The following FHIP1A variants were observed in gnomAD, a reference collection of about 807,000 sequenced individuals.
FHIP1A encodes FHF complex subunit HOOK interacting protein 1A, also known as FHF complex subunit HOOK-interacting protein 1A.
In FHIP1A, 61 loss-of-function variants were observed where a neutral mutation model predicts 88.6. The ratio of observed to expected loss-of-function variants is 0.69; its 90% confidence interval spans 0.56 to 0.85. The LOEUF is 0.85. Among genes scored for constraint, FHIP1A ranks in the 40% least tolerant of loss-of-function variants. The pLI is 0.00. For missense variants in FHIP1A, 1,154 were observed against 1,273.5 expected, an observed-to-expected ratio of 0.91 and a Z score of 1.43; for synonymous variants, 478 against 496.0, an observed-to-expected ratio of 0.96 and a Z score of 0.48.
At chr4:151,433,627 G>A (rs548418482) in intron 1 of FHIP1A, among the ~76,000 whole-genome samples, 4 of 152,148 alleles carry the variant, frequency 2.6e-5, no homozygotes, top group Non-Finnish European at 5.9e-5. Flanking sequence ...AAGGGCATGG[G>A]AGTGGAGGCT....
At chr4:151,628,661 A>G (rs1736042092) in intron 7 of FHIP1A, among the ~76,000 whole-genome samples, 1 of 152,240 alleles carries the variant, frequency 6.6e-6, no homozygotes, top group Non-Finnish European at 1.5e-5. Flanking sequence ...TGTTTTGTTT[A>G]AAATCGAGTG....
chr4:151,513,062 G>C (rs563685483), intron 3 of FHIP1A, among the ~76,000 whole-genome samples: 3 of 152,290 alleles, frequency 2.0e-5, no homozygotes, highest in African/African-American at 7.2e-5. Context: ...GAAAGGTCAG[G>C]TTACCCTCAA....
rs1736130596 is a variant in FHIP1A at position 151,630,797 on chromosome 4, T to A, written c.1146+928T>A. On this transcript the variant is annotated intron_variant, in intron 8 of 13. Coordinates refer to ENST00000435205, the MANE Select transcript of FHIP1A (RefSeq NM_001109977.3). ...CTCAGTGAATTTAAGAGGATTGAAA[T>A]CATGCAAAGCATGTTCTCTGATCAT... Among the ~76,000 whole-genome samples, 4 of 152,298 alleles carry A rather than the reference T, an allele frequency of 2.6e-5. No homozygotes were observed. The South Asian group carries it at 8.3e-4, about 32-fold the overall frequency.
intron 1 of FHIP1A, among the ~76,000 whole-genome samples, chr4:151,411,314 C>T (rs1732630280): frequency 7.0e-6 from 1 of 142,884 alleles, no homozygotes. Context: ...TGAGAAAAAA[C>T]AAGAATTGCC....
intron 7 of FHIP1A, among the ~76,000 whole-genome samples, chr4:151,616,547 C>T (rs1735537594): frequency 6.9e-6 from 1 of 145,972 alleles, no homozygotes; most frequent in Non-Finnish European, 1.5e-5. Context: ...CTCCCGGGTT[C>T]ACGCCATTCT....
At chr4:151,661,492 A>G (rs1737456372) in intron 13 of FHIP1A, among the ~76,000 whole-genome samples, 1 of 149,892 alleles carries the variant, frequency 6.7e-6, no homozygotes, top group African/African-American at 2.5e-5. Context: ...TTAGTACTGT[A>G]GTTAAGCAAC....
At chr4:151,449,794 T>C (rs1165938709) in intron 1 of FHIP1A, among the ~76,000 whole-genome samples, 2 of 152,260 alleles carry the variant, frequency 1.3e-5, no homozygotes, top group East Asian at 3.9e-4. Flanking sequence ...CTGGGGTGTG[T>C]TGGGATGGTG....
intron 1 of FHIP1A, among the ~76,000 whole-genome samples, chr4:151,453,830 T>A (rs1158572014): frequency 6.6e-6 from 1 of 151,994 alleles, no homozygotes; most frequent in Non-Finnish European, 1.5e-5. Flanking sequence ...GATAGCACCA[T>A]TGCACTTTAG....
chr4:151,466,235 C>G (rs1005118239), intron 2 of FHIP1A, among the ~76,000 whole-genome samples: 2 of 152,012 alleles, frequency 1.3e-5, no homozygotes, highest in South Asian at 4.1e-4. Context: ...TTCACAATTG[C>G]TACAAAGAGA....
chr4:151,513,106 G>T (rs561163664), intron 3 of FHIP1A, among the ~76,000 whole-genome samples: 7 of 152,084 alleles, frequency 4.6e-5, no homozygotes, highest in African/African-American at 1.7e-4. Flanking sequence ...CGGATCTCTC[G>T]GCAGAAACTC....
intron 3 of FHIP1A, among the ~76,000 whole-genome samples, chr4:151,517,357 T>C (rs1015439164): frequency 5.9e-5 from 9 of 151,974 alleles, no homozygotes; most frequent in Non-Finnish European, 1.2e-4. Flanking sequence ...TGCTAAATGA[T>C]GAGTTAATGG....
intron 1 of FHIP1A, among the ~76,000 whole-genome samples, chr4:151,438,971 G>C (rs946465017): frequency 1.3e-5 from 2 of 152,062 alleles, no homozygotes; most frequent in Non-Finnish European, 2.9e-5. Context: ...GTATGTAGTT[G>C]AAAACATATC....
intron 3 of FHIP1A, among the ~76,000 whole-genome samples, chr4:151,565,210 A>G (rs1391250555): frequency 6.6e-6 from 1 of 152,132 alleles, no homozygotes; most frequent in African/African-American, 2.4e-5. Flanking sequence ...TTTGAATTAT[A>G]CCCAGTCCTT....
intron 1 of FHIP1A, among the ~76,000 whole-genome samples, chr4:151,416,615 A>G (rs1732901088): frequency 1.3e-5 from 2 of 152,178 alleles, no homozygotes; most frequent in African/African-American, 4.8e-5. Context: ...TACATCCTCA[A>G]AATAAGGATG....
At chr4:151,491,273 A>G (rs1730270896) in intron 3 of FHIP1A, among the ~76,000 whole-genome samples, 1 of 152,204 alleles carries the variant, frequency 6.6e-6, no homozygotes, top group Admixed American at 6.5e-5. Flanking sequence ...AGGAAAACCT[A>G]TCAGATTAAC....
chr4:151,504,602 G>GTTATT (rs947755937), intron 3 of FHIP1A, among the ~76,000 whole-genome samples: 7 of 64,344 alleles, frequency 1.1e-4, no homozygotes, highest in Middle Eastern at 9.6e-3. Flanking sequence ...GTTATGTTAT[G>GTTATT]TTATGTCATG....
At position 151,577,522 on chromosome 4, in the gene FHIP1A, G is replaced by A. The variant is rs1267314947; in HGVS notation, c.178G>A (p.Glu60Lys). Residue 60 changes from glutamate to lysine, a missense_variant, in exon 5 of 14, where the codon GAG becomes AAG. Transcript: ENST00000435205. Reference protein sequence around the residue: ...QAKYGSIPPDEASAVQNYVEH... With the variant: ...QAKYGSIPPDKASAVQNYVEH... ...AAAATATGGGTCTATCCCTCCAGAT[G>A]AGGCCAGTGCCGTGCAGAATTACGT... The A allele has an allele frequency of 6.4e-7, 1 of 1,551,738 alleles. No homozygotes were observed. Among genetic ancestry groups the A allele is most frequent in the Non-Finnish European group, 8.7e-7 (1 of 1,146,962 alleles).
chr4:151,654,059 T>A (rs1474204828), intron 11 of FHIP1A, among the ~76,000 whole-genome samples: 1 of 151,376 alleles, frequency 6.6e-6, no homozygotes, highest in Non-Finnish European at 1.5e-5. Flanking sequence ...CCTCACATTT[T>A]TTGTTAAGCA....
At position 151,462,943 on chromosome 4, in the gene FHIP1A, T is replaced by A. The variant is rs566677361; in HGVS notation, c.-248+8135T>A. On this transcript the variant is annotated intron_variant, in intron 2 of 13. Transcript: ENST00000435205. ...GGAGTTTTCAAGGGTAGTTTTACTA[T>A]TTGTAATTGCTGCCTTGGTTTGACT... Among the ~76,000 whole-genome samples, 13 of 152,332 alleles carry A rather than the reference T, an allele frequency of 8.5e-5. 1 individual carries two copies. The highest frequency in any genetic ancestry group is 2.6e-4 in the African/African-American group (11 of 41,574).
Sources: gnomAD v4.1 joint callset for allele counts (sites outside exome capture counted in the v4.1 genomes callset) on GRCh38, gnomAD v4.1.1 for gene constraint, MANE v1.5 for transcripts, NCBI Gene and HGNC (gene_info 2026-07-23, HGNC 2026-07-21) for gene names.